PI4K2B: variants seen among roughly 807,000 people sequenced by gnomAD.
The protein encoded by PI4K2B is phosphatidylinositol 4-kinase type 2-beta.
A neutral mutation model predicts 56.6 loss-of-function variants in PI4K2B; 46 were observed. The observed-to-expected ratio is 0.81, with a 90% CI of 0.64 to 1.04. PI4K2B has a LOEUF of 1.04. PI4K2B is among the 50% of genes least tolerant of loss of function. The pLI is 0.00. For synonymous variants in PI4K2B, 211 were observed against 223.8 expected, an observed-to-expected ratio of 0.94 and a Z score of 0.51; for missense variants, 556 against 607.7, an observed-to-expected ratio of 0.91 and a Z score of 0.89.
intron 1 of PI4K2B, among the ~76,000 whole-genome samples, chr4:25,237,114 C>G (rs1040276550): frequency 6.6e-6 from 1 of 152,170 alleles, no homozygotes; most frequent in African/African-American, 2.4e-5. Flanking sequence ...TGTCTGTTAT[C>G]TTCAACAAGG....
chr4:25,234,486 G>GCCCGGCTCGGTCCTGTCT, intron 1 of PI4K2B, 55 bp downstream of exon 1: 2 of 1,186,172 alleles, frequency 1.7e-6, no homozygotes, highest in Non-Finnish European at 2.1e-6. Context: ...TGCCCCTGTC[G>GCCCGGCTCGGTCCTGTCT]CCCGGCTCGG....
chr4:25,250,222 GA>G (rs1405600618), intron 1 of PI4K2B, among the ~76,000 whole-genome samples: 1 of 152,138 alleles, frequency 6.6e-6, no homozygotes, highest in African/African-American at 2.4e-5. Context: ...AGAAGAGGGA[GA>G]GGGGAGAGGG....
intron 5 of PI4K2B, 34 bp downstream of exon 5, chr4:25,259,224 T>A: frequency 7.2e-7 from 1 of 1,382,954 alleles, no homozygotes; most frequent in South Asian, 1.3e-5. Context: ...CACGTAAATC[T>A]TGTTCATTTT....
intron 2 of PI4K2B, among the ~76,000 whole-genome samples, chr4:25,253,841 G>A (rs557464861): frequency 1.3e-5 from 2 of 152,080 alleles, no homozygotes; most frequent in East Asian, 1.9e-4. Context: ...GCACAGTCTC[G>A]GCTCACTGCA....
chr4:25,237,140 A>C (rs1357681127), intron 1 of PI4K2B, among the ~76,000 whole-genome samples: 6 of 152,244 alleles, frequency 3.9e-5, no homozygotes, highest in Admixed American at 3.9e-4. Context: ...AACAAAGCCT[A>C]CAAACAGCAT....
At chr4:25,241,925 A>T (rs1375122182) in intron 1 of PI4K2B, among the ~76,000 whole-genome samples, 1 of 152,174 alleles carries the variant, frequency 6.6e-6, no homozygotes, top group Admixed American at 6.5e-5. Flanking sequence ...TCTGGTTCCC[A>T]TTCTACTAGA....
chr4:25,243,118 C>G (rs188930402), intron 1 of PI4K2B, among the ~76,000 whole-genome samples: 11 of 152,316 alleles, frequency 7.2e-5, no homozygotes, highest in Non-Finnish European at 1.5e-4. Flanking sequence ...GAAGGCCGCG[C>G]CCGTGTCCAG....
intron 1 of PI4K2B, among the ~76,000 whole-genome samples, chr4:25,251,693 T>G (rs1329677847): frequency 6.6e-6 from 1 of 152,164 alleles, no homozygotes; most frequent in East Asian, 1.9e-4. Flanking sequence ...ATCCGAGATA[T>G]GATTGGGGAA....
At chr4:25,260,849 G>A (rs313542) in intron 6 of PI4K2B, among the ~76,000 whole-genome samples, 6,245 of 140,610 alleles carry the variant, frequency 0.044, 272 homozygotes, top group South Asian at 0.18. Flanking sequence ...ACTTGTTTAC[G>A]TTGCATTTCT....
At chr4:25,272,472 G>C (rs1716937126) in intron 9 of PI4K2B, among the ~76,000 whole-genome samples, 1 of 152,074 alleles carries the variant, frequency 6.6e-6, no homozygotes. Context: ...TGACTATGTA[G>C]CTCTCTGGTT....
chr4:25,234,060 C>T lies in PI4K2B; in HGVS notation c.-104C>T, dbSNP rs1041802655. The T allele has an allele frequency of 5.1e-5, 51 of 993,504 alleles. No homozygotes were observed. Among genetic ancestry groups the T allele is most frequent in the Middle Eastern group, 7.2e-4 (2 of 2,768 alleles). The allele number at this position is 993,504 out of a possible 1,614,324, so 61.5% of individuals were successfully genotyped here. On this transcript the variant is annotated 5_prime_UTR_variant, in exon 1 of 10. Transcript: ENST00000264864. The stretch of plus-strand genomic sequence containing the variant: ...GCGTGCCCGTGCGCTGGTGAGGTGG[C>T]GTCCGTTCTACCCGGTCGCTCCCGT...
chr4:25,254,708 G>A (rs1197526916), intron 2 of PI4K2B, among the ~76,000 whole-genome samples: 2 of 152,104 alleles, frequency 1.3e-5, no homozygotes, highest in East Asian at 1.9e-4. Flanking sequence ...CACCGTGCCC[G>A]GCCCAGTGAA....
intron 6 of PI4K2B, among the ~76,000 whole-genome samples, chr4:25,263,413 A>G (rs1253860901): frequency 6.6e-6 from 1 of 152,242 alleles, no homozygotes; most frequent in Admixed American, 6.5e-5. Flanking sequence ...AATATTTTAC[A>G]TCATACATTT....
chr4:25,270,871 T>A (rs1190398310), intron 9 of PI4K2B, among the ~76,000 whole-genome samples: 4 of 152,230 alleles, frequency 2.6e-5, no homozygotes, highest in African/African-American at 9.6e-5. Context: ...TCCTAAAATA[T>A]ACATTTAAGG....
chr4:25,250,942 T>G (rs1452177692), intron 1 of PI4K2B, among the ~76,000 whole-genome samples: 2 of 152,142 alleles, frequency 1.3e-5, no homozygotes, highest in Non-Finnish European at 2.9e-5. Context: ...GTTTTTGGCC[T>G]AAGCAACTGG....
intron 1 of PI4K2B, among the ~76,000 whole-genome samples, chr4:25,251,305 G>T (rs150203310): frequency 2.0e-5 from 3 of 152,276 alleles, no homozygotes; most frequent in Non-Finnish European, 4.4e-5. Flanking sequence ...TGAGAGAGAG[G>T]ATGGAAGAGG....
At chr4:25,269,389 T>A (rs113642202) in intron 9 of PI4K2B, among the ~76,000 whole-genome samples, 186 bp downstream of exon 9, 3 of 152,038 alleles carry the variant, frequency 2.0e-5, no homozygotes, top group African/African-American at 7.2e-5. Flanking sequence ...GTAATCCCAG[T>A]GCTTTGGGAG....
chr4:25,244,691 G>A (rs893633110), intron 1 of PI4K2B, among the ~76,000 whole-genome samples: 11 of 152,122 alleles, frequency 7.2e-5, no homozygotes, highest in Admixed American at 1.3e-4. Context: ...AAAACCGCCT[G>A]CAGTTTTGGT....
intron 1 of PI4K2B, 151 bp downstream of exon 1, chr4:25,234,582 C>T (rs1715165038): frequency 2.0e-6 from 1 of 498,362 alleles, no homozygotes; most frequent in Non-Finnish European, 3.1e-6. Flanking sequence ...CGGCGCCAGC[C>T]GCAGCCGCAC....
Sources: allele counts gnomAD v4.1 joint callset (sites outside exome capture counted in the v4.1 genomes callset), GRCh38; gene constraint gnomAD v4.1.1; transcripts MANE v1.5; gene names NCBI Gene and HGNC (gene_info 2026-07-23, HGNC 2026-07-21).